The following AGBL1 variants were observed in gnomAD, a reference collection of about 807,000 sequenced individuals.
AGBL1 encodes cytosolic carboxypeptidase 4.
AGBL1 carries 130 observed loss-of-function variants against 118.9 expected under a neutral mutation model. The observed-to-expected ratio is 1.09, with a 90% CI of 0.95 to 1.26. AGBL1 has a LOEUF of 1.26. Ranked by LOEUF, AGBL1 falls within the 50% of genes most tolerant of loss-of-function variation. The pLI, the probability that AGBL1 is intolerant of heterozygous loss-of-function variation, is 0.00. For synonymous variants in AGBL1, 555 were observed against 478.9 expected, an observed-to-expected ratio of 1.16 and a Z score of -2.08; for missense variants, 1,584 against 1,298.1, an observed-to-expected ratio of 1.22 and a Z score of -3.38.
At chr15:86,701,641 TCCC>T (rs2086360048) in intron 22 of AGBL1, among the ~76,000 whole-genome samples, 1 of 147,372 alleles carries the variant, frequency 6.8e-6, no homozygotes, top group African/African-American at 2.6e-5. Flanking sequence ...TCTCCTCTCC[TCCC>T]CTCCCCTCCC....
chr15:86,522,946 C>T lies in AGBL1; in HGVS notation c.2685+7C>T, dbSNP rs2083209696. ...CATTGGCCGAAGTCCCGTGGTGAGT[C>T]ACTTCCTTCTGCCTCCACCTTCCTG... On this transcript the variant is annotated splice_region_variant and intron_variant, in intron 19 of 22. Transcript: ENST00000614907. 2 of 1,613,338 alleles carry T rather than the reference C, an allele frequency of 1.2e-6. No individual in the cohort carries two copies. Among genetic ancestry groups the T allele is most frequent in the African/African-American group, 2.7e-5 (2 of 74,904 alleles).
At chr15:86,818,734 G>A (rs960944170) in intron 22 of AGBL1, among the ~76,000 whole-genome samples, 1 of 152,150 alleles carries the variant, frequency 6.6e-6, no homozygotes, top group Non-Finnish European at 1.5e-5. Context: ...AATACTTGCA[G>A]GCCAGTAGTA....
chr15:86,687,900 C>T (rs565626493), intron 22 of AGBL1, among the ~76,000 whole-genome samples: 6 of 152,232 alleles, frequency 3.9e-5, no homozygotes, highest in African/African-American at 1.4e-4. Context: ...AATCACCTCT[C>T]AGCATTTGTA....
At chr15:86,892,849 A>C (rs1345073550) in intron 22 of AGBL1, among the ~76,000 whole-genome samples, 1 of 152,172 alleles carries the variant, frequency 6.6e-6, no homozygotes, top group Non-Finnish European at 1.5e-5. Flanking sequence ...ACAAACACAA[A>C]ACCCTAGGGA....
At chr15:86,948,896 C>G (rs1257660234) in intron 23 of AGBL1, among the ~76,000 whole-genome samples, 1 of 152,222 alleles carries the variant, frequency 6.6e-6, no homozygotes, top group Non-Finnish European at 1.5e-5. Context: ...CTGGATACCA[C>G]TTTTTGTAAA....
At chr15:86,752,963 T>G (rs2077877770) in intron 22 of AGBL1, among the ~76,000 whole-genome samples, 1 of 152,086 alleles carries the variant, frequency 6.6e-6, no homozygotes, top group African/African-American at 2.4e-5. Context: ...ACCAGTCAAT[T>G]TATCTTTCCT....
intron 18 of AGBL1, among the ~76,000 whole-genome samples, chr15:86,412,554 G>C (rs2142012201): frequency 6.6e-6 from 1 of 152,258 alleles, no homozygotes; most frequent in South Asian, 2.1e-4. Flanking sequence ...GCTCTTGAGT[G>C]TGGAAGGATG....
At chr15:86,689,073 T>C (rs1035318057) in intron 22 of AGBL1, among the ~76,000 whole-genome samples, 1 of 152,146 alleles carries the variant, frequency 6.6e-6, no homozygotes, top group Non-Finnish European at 1.5e-5. Flanking sequence ...GGTCAGTGGA[T>C]CAAAGAAAGC....
chr15:86,707,698 T>C (rs1263541945), intron 22 of AGBL1, among the ~76,000 whole-genome samples: 2 of 152,196 alleles, frequency 1.3e-5, no homozygotes, highest in East Asian at 3.8e-4. Flanking sequence ...TTATAAAATA[T>C]TGAAGCAACA....
chr15:86,200,575 T>G, intron 5 of AGBL1, among the ~76,000 whole-genome samples: 1 of 120,458 alleles, frequency 8.3e-6, no homozygotes, highest in East Asian at 2.9e-4. Flanking sequence ...TTTTTTTTGC[T>G]CCCATCATGG....
intron 21 of AGBL1, among the ~76,000 whole-genome samples, chr15:86,665,959 G>A (rs377369219): frequency 2.6e-5 from 4 of 151,908 alleles, no homozygotes; most frequent in East Asian, 1.9e-4. Flanking sequence ...TATCAATACC[G>A]AAACATTTCA....
intron 18 of AGBL1, among the ~76,000 whole-genome samples, chr15:86,480,251 T>G (rs2082632948): frequency 6.6e-6 from 1 of 152,100 alleles, no homozygotes; most frequent in Non-Finnish European, 1.5e-5. Flanking sequence ...CTATGTGAAG[T>G]GATGAATATA....
chr15:86,748,196 T>C (rs2077786999), intron 22 of AGBL1, among the ~76,000 whole-genome samples: 1 of 152,176 alleles, frequency 6.6e-6, no homozygotes, highest in Admixed American at 6.5e-5. Flanking sequence ...TGGTATCTCA[T>C]TGTGATTTTG....
At chr15:86,414,994 T>C (rs1421108909) in intron 18 of AGBL1, among the ~76,000 whole-genome samples, 2 of 152,144 alleles carry the variant, frequency 1.3e-5, no homozygotes, top group East Asian at 3.9e-4. Flanking sequence ...GTTGAGTTCT[T>C]GGGAATAACA....
intron 21 of AGBL1, among the ~76,000 whole-genome samples, chr15:86,670,652 A>G (rs79167180): frequency 7.1e-4 from 38 of 53,594 alleles, no homozygotes; most frequent in Admixed American, 2.6e-3. Context: ...GTGTGTGTGT[A>G]TATATATATA....
chr15:86,653,142 C>G (rs186389799), intron 21 of AGBL1, among the ~76,000 whole-genome samples: 20 of 141,922 alleles, frequency 1.4e-4, no homozygotes, highest in East Asian at 1.4e-3. Context: ...TTGCACCGTC[C>G]TTCCATAACC....
chr15:86,797,957 T>C (rs16977992), intron 22 of AGBL1, among the ~76,000 whole-genome samples: 3,645 of 152,288 alleles, frequency 0.024, 155 homozygotes, highest in African/African-American at 0.083. Context: ...AAGAAATTTA[T>C]TAAGGGCAAT....
chr15:86,903,246 A>G (rs986418257), intron 22 of AGBL1, among the ~76,000 whole-genome samples: 4 of 150,838 alleles, frequency 2.7e-5, no homozygotes, highest in Admixed American at 1.3e-4. Flanking sequence ...TAAAATTTTC[A>G]TTTCATTTTT....
intron 5 of AGBL1, among the ~76,000 whole-genome samples, chr15:86,220,922 G>A (rs1286621149): frequency 6.6e-6 from 1 of 152,158 alleles, no homozygotes; most frequent in Non-Finnish European, 1.5e-5. Context: ...GCCGTGCACA[G>A]TGACTCATGG....
Sources: gnomAD v4.1 joint callset for allele counts (sites outside exome capture counted in the v4.1 genomes callset) on GRCh38, gnomAD v4.1.1 for gene constraint, MANE v1.5 for transcripts, NCBI Gene and HGNC (gene_info 2026-07-23, HGNC 2026-07-21) for gene names.